NCOR2: variants seen among roughly 807,000 people sequenced by gnomAD.
NCOR2 encodes the protein nuclear receptor corepressor 2.
NCOR2 carries 81 observed loss-of-function variants against 262.9 expected under a neutral mutation model. The observed-to-expected ratio is 0.31, with a 90% CI of 0.26 to 0.37. The LOEUF (loss-of-function observed/expected upper bound fraction) is 0.37, where lower values mean the gene tolerates loss of function less well. Ranked by LOEUF, NCOR2 falls within the 10% of genes least tolerant of loss-of-function variation. The pLI is 1.00. For missense variants in NCOR2, 3,385 were observed against 3,621.4 expected (o/e 0.93, Z 1.68); for synonymous variants, 1,659 against 1,559.3 (o/e 1.06, Z -1.51).
At chr12:124,419,821 C>CA in intron 13 of NCOR2, 136 bp downstream of exon 15, 1 of 783,724 alleles carries the variant, frequency 1.3e-6, no homozygotes, top group Non-Finnish European at 2.2e-6. Context: ...AGCCTGCACT[C>CA]ACACTGCCGG....
At chr12:124,371,403 A>G (rs2660375) in intron 20 of NCOR2, among the ~76,000 whole-genome samples, 150,049 of 152,330 alleles carry the variant, frequency 0.99, 73,940 homozygotes, top group East Asian at 1. Flanking sequence ...TTGGAAATAG[A>G]CTGTTTGCTG....
chr12:124,421,561 G>A (rs966498214), intron 12 of NCOR2, among the ~76,000 whole-genome samples: 3 of 152,176 alleles, frequency 2.0e-5, no homozygotes, highest in African/African-American at 7.2e-5. Context: ...AGGGGCAGGC[G>A]CTGGGAACAG....
chr12:124,460,324 C>T (rs915164720), intron 5 of NCOR2, among the ~76,000 whole-genome samples: 2 of 152,248 alleles, frequency 1.3e-5, no homozygotes, highest in Non-Finnish European at 2.9e-5. Flanking sequence ...TGGGGCAAAG[C>T]ATTCTTGTAC....
chr12:124,437,794 CT>C, intron 8 of NCOR2, 135 bp downstream of exon 10: 1 of 558,552 alleles, frequency 1.8e-6, no homozygotes, highest in Non-Finnish European at 2.7e-6. Flanking sequence ...CCGGCCTTGG[CT>C]TTTCCTCCGC....
chr12:124,330,141 G>C (rs1054481611), intron 44 of NCOR2, among the ~76,000 whole-genome samples: 1 of 152,228 alleles, frequency 6.6e-6, no homozygotes. Flanking sequence ...CAAAGGACCA[G>C]AGGATAACCA....
chr12:124,525,137 C>G (rs1242304342), intron 1 of NCOR2, among the ~76,000 whole-genome samples: 2 of 152,164 alleles, frequency 1.3e-5, no homozygotes, highest in Admixed American at 1.3e-4. Flanking sequence ...CTCCTGGGGC[C>G]CCCCTGCTCT....
At chr12:124,326,312 C>T (rs764768989) in exon 46 of NCOR2, 171 of 1,552,472 alleles carry the variant, frequency 1.1e-4, no homozygotes, top group Non-Finnish European at 1.1e-4. Flanking sequence ...GGCCCGGGGC[C>T]GGGGACTTGG....
At chr12:124,433,904 A>AAACACG (rs2044171128) in intron 8 of NCOR2, among the ~76,000 whole-genome samples, 1 of 93,896 alleles carries the variant, frequency 1.1e-5, no homozygotes, top group Admixed American at 1.1e-4. Context: ...ACACACGCAC[A>AAACACG]CACACACACA....
intron 28 of NCOR2, chr12:124,348,536 G>A: frequency 1.7e-6 from 1 of 579,758 alleles, no homozygotes; most frequent in African/African-American, 1.9e-5. Context: ...TGCACGGTGG[G>A]AGATGCAGGG....
rs1024018459 is a variant in NCOR2, at chr12:124,389,944, C to T, written c.1877-4057G>A. Among the ~76,000 whole-genome samples, 1 of 152,198 alleles carries T rather than the reference C, an allele frequency of 6.6e-6. No homozygotes were observed. The highest frequency in any genetic ancestry group is 2.4e-5 in the African/African-American group (1 of 41,454). On this transcript the variant is annotated intron_variant, in intron 16 of 46. Coordinates refer to ENST00000405201, the Ensembl canonical transcript of NCOR2. This position sits in a 1 kb window ranked among gnomAD's most constrained non-coding sequence, Gnocchi z 4.4. ...AACTTTGGATCCTAGATTCAGGTCA[C>T]GACCGACTTCCCTGACTCTGGGATC... is the stretch of plus-strand genomic sequence containing the variant.
chr12:124,366,395 G>A (rs866225571), intron 20 of NCOR2, among the ~76,000 whole-genome samples: 1 of 152,196 alleles, frequency 6.6e-6, no homozygotes, highest in Admixed American at 6.5e-5. Flanking sequence ...CCAATCCATC[G>A]GGGACAGAAA....
At chr12:124,462,553 C>T (rs2046221821) in intron 5 of NCOR2, among the ~76,000 whole-genome samples, 1 of 152,214 alleles carries the variant, frequency 6.6e-6, no homozygotes, top group Non-Finnish European at 1.5e-5. Context: ...GGGGCTGAAA[C>T]GGACAATCTG....
intron 1 of NCOR2, among the ~76,000 whole-genome samples, chr12:124,552,576 G>A (rs1368196863): frequency 6.6e-6 from 1 of 152,164 alleles, no homozygotes; most frequent in Non-Finnish European, 1.5e-5. Flanking sequence ...CCCTGTTCCC[G>A]GTTGCTGGTT....
intron 17 of NCOR2, among the ~76,000 whole-genome samples, chr12:124,384,609 T>C (rs2040656037): frequency 6.6e-6 from 1 of 152,180 alleles, no homozygotes; most frequent in South Asian, 2.1e-4. Flanking sequence ...CCTTAAATTC[T>C]GCACAGTGCT....
rs571134912 is a variant in NCOR2 at position 124,432,777 on chromosome 12, T to G, written c.883-1990A>C. ...TAACCACAGTGCTGCCTGCTGCATG[T>G]CCTTTGAGAAGAGATCCCCAATCAG... On this transcript the variant is annotated intron_variant, in intron 8 of 46. Coordinates refer to ENST00000405201, the Ensembl canonical transcript of NCOR2. The surrounding 1 kb of genome is among the most constrained non-coding windows in gnomAD (Gnocchi z 5.1). Among the ~76,000 whole-genome samples the G allele has an allele frequency of 4.0e-5, 6 of 150,188 alleles. No homozygotes were observed. The East Asian group carries it at 9.9e-4, about 25-fold the overall frequency.
Position 124,523,858 on chromosome 12 carries a change from A to G in NCOR2, c.-118+11707T>C, listed in dbSNP as rs556719132. ...CAAGGGGACGGGGCTGGGAAGTGGC[A>G]ATGTCGGTTTTGAACTCAGCAAGTG... On this transcript the variant is annotated intron_variant, in intron 1 of 46. Coordinates refer to the NCOR2 transcript ENST00000404621. This position sits in a 1 kb window ranked among gnomAD's most constrained non-coding sequence, Gnocchi z 4.0. Among the ~76,000 whole-genome samples the G allele has an allele frequency of 6.6e-6, 1 of 152,286 alleles. No homozygotes were observed. The highest frequency in any genetic ancestry group is 2.1e-4 in the South Asian group (1 of 4,826).
intron 37 of NCOR2, 107 bp from the exon 40 acceptor site, chr12:124,337,287 TC>T: frequency 7.5e-7 from 1 of 1,329,212 alleles, no homozygotes; most frequent in Non-Finnish European, 1.1e-6. Flanking sequence ...CCCCTGCTGC[TC>T]CCAGAGTGAA....
At position 124,457,028 on chromosome 12, in the gene NCOR2, G is replaced by A. The variant is rs1001664217; in HGVS notation, c.762+78C>T. ...GTAATAGATGACTTCCTCCTCCGCC[G>A]CACCCTCCCGCCTCCCTGCCCACCT... On this transcript the variant is annotated intron_variant, in intron 6 of 46. Coordinates refer to ENST00000405201, the Ensembl canonical transcript of NCOR2. The surrounding 1 kb of genome is among the most constrained non-coding windows in gnomAD (Gnocchi z 4.0). The A allele has an allele frequency of 1.2e-5, 13 of 1,122,690 alleles. No individual in the cohort carries two copies. Among genetic ancestry groups the A allele is most frequent in the Admixed American group, 3.9e-5 (1 of 25,916 alleles). 69.5% of individuals were successfully genotyped at this position (1,122,690 alleles called of 1,614,324 possible).
At chr12:124,458,101 A>G (rs568693630) in intron 5 of NCOR2, among the ~76,000 whole-genome samples, 123 of 152,372 alleles carry the variant, frequency 8.1e-4, no homozygotes, top group African/African-American at 2.8e-3. Context: ...ACTCAGCTGC[A>G]TTGGGGCAGC....
Sources: gnomAD v4.1 joint callset for allele counts (sites outside exome capture counted in the v4.1 genomes callset) on GRCh38, gnomAD v4.1.1 for gene constraint, Gnocchi (gnomAD v3.1) non-coding constraint, MANE v1.5 for transcripts, NCBI Gene and HGNC (gene_info 2026-07-23, HGNC 2026-07-21) for gene names.